Variants in RIN2 observed in about 807,000 individuals in gnomAD.
RIN2 encodes RAB5 interacting protein 2.
Under a neutral mutation model 78.0 loss-of-function variants are expected in RIN2, and 36 were observed. That is an observed-to-expected ratio of 0.46 (90% CI 0.35 to 0.61). The LOEUF (loss-of-function observed/expected upper bound fraction) is 0.61. RIN2 is among the 20% of genes least tolerant of loss of function. The probability of loss-of-function intolerance (pLI) is 0.00; values close to 1 mark genes in which losing one functional copy is unlikely to be tolerated. For missense variants in RIN2, 1,087 were observed against 1,159.7 expected (o/e 0.94, Z 0.91); for synonymous variants, 466 against 466.8 (o/e 1.00, Z 0.02).
At chr20:19,853,908 CT>C (rs1323298778) in intron 2 of RIN2, among the ~76,000 whole-genome samples, 1 of 152,176 alleles carries the variant, frequency 6.6e-6, no homozygotes, top group African/African-American at 2.4e-5. Flanking sequence ...TCAATTTTGG[CT>C]TTTGTTGCCA....
intron 2 of RIN2, among the ~76,000 whole-genome samples, chr20:19,811,617 CTG>C (rs1242947233): frequency 1.3e-5 from 2 of 152,138 alleles, no homozygotes; most frequent in Non-Finnish European, 2.9e-5. Context: ...GCTTTTAAAA[CTG>C]AACGCAGAAA....
chr20:19,764,119 GTTT>G (rs2033766137), intron 1 of RIN2, among the ~76,000 whole-genome samples: 1 of 152,092 alleles, frequency 6.6e-6, no homozygotes, highest in African/African-American at 2.4e-5. Flanking sequence ...GAGACTTTTT[GTTT>G]TTTATGTACC....
chr20:19,990,162 G>A lies in RIN2; in HGVS notation c.1919G>A (p.Gly640Glu). The change falls in exon 10 of 13, where the codon GGG (glycine) becomes GAG (glutamate). Residue 640 changes from glycine to glutamate, a missense_variant. Physicochemically the swap from Gly to Glu is moderately conservative, Grantham distance 98. This residue lies in a region of RIN2 where 97 missense variants were observed against 104.8 expected (regional missense o/e 0.93). Transcript: ENST00000255006. Reference protein sequence around the residue: ...LVRQRNPQELGVFAPTPDFVD... With the variant: ...LVRQRNPQELEVFAPTPDFVD... The stretch of plus-strand genomic sequence containing the variant: ...CGGCAGAGGAATCCGCAGGAGCTGG[G>A]GGTCTTCGCCCCGACCCCTGATTTT... 6.2e-7 allele frequency: 1 copy of A among 1,604,194 alleles called. No homozygotes were observed. The highest frequency in any genetic ancestry group is 8.5e-7 in the Non-Finnish European group (1 of 1,175,534).
chr20:19,975,614 G>T lies in RIN2; in HGVS notation c.1589G>T (p.Gly530Val). Residue 530 changes from glycine to valine, a missense_variant, in exon 9 of 13, where the codon GGG (glycine) becomes GTG (valine). Transcript: ENST00000255006. The surrounding 1 kb of genome is among the most constrained non-coding windows in gnomAD (Gnocchi z 4.9). Reference protein sequence around the residue: ...ELSRDKCTYFGCLVQDYVSFL... With the variant: ...ELSRDKCTYFVCLVQDYVSFL... ...TCCCGGGACAAATGCACCTACTTCG[G>T]GTGCTTAGTGCAGGACTACGTGAGC... The T allele has an allele frequency of 6.2e-7, 1 of 1,613,936 alleles. No individual in the cohort carries two copies. Among genetic ancestry groups the T allele is most frequent in the Non-Finnish European group, 8.5e-7 (1 of 1,179,900 alleles).
chr20:19,848,265 T>C (rs1371287142), intron 2 of RIN2, among the ~76,000 whole-genome samples: 1 of 152,148 alleles, frequency 6.6e-6, no homozygotes, highest in South Asian at 2.1e-4. Context: ...CCAGACAAGG[T>C]GGCTCATGCC....
At chr20:19,936,343 A>G (rs1033925562) in intron 4 of RIN2, among the ~76,000 whole-genome samples, 1 of 152,182 alleles carries the variant, frequency 6.6e-6, no homozygotes, top group Admixed American at 6.6e-5. Flanking sequence ...CAAATGCACA[A>G]TGATTTTCAG....
chr20:19,847,033 T>C (rs2036807857), intron 2 of RIN2, among the ~76,000 whole-genome samples: 1 of 152,214 alleles, frequency 6.6e-6, no homozygotes, highest in Non-Finnish European at 1.5e-5. Flanking sequence ...TTAGCAACTA[T>C]TCCATTTTTC....
At chr20:19,805,318 A>G (rs1031056037) in intron 2 of RIN2, among the ~76,000 whole-genome samples, 2 of 152,200 alleles carry the variant, frequency 1.3e-5, no homozygotes, top group African/African-American at 4.8e-5. Flanking sequence ...TCCCACCATC[A>G]CTGCGACAGA....
intron 4 of RIN2, among the ~76,000 whole-genome samples, chr20:19,951,990 G>T (rs781242872): frequency 3.9e-5 from 6 of 152,162 alleles, no homozygotes; most frequent in Non-Finnish European, 7.3e-5. Flanking sequence ...TGAGTTCCCT[G>T]GAAGGAGAGC....
chr20:19,942,751 A>C (rs536762820), intron 4 of RIN2, among the ~76,000 whole-genome samples: 1 of 152,238 alleles, frequency 6.6e-6, no homozygotes, highest in African/African-American at 2.4e-5. Flanking sequence ...GTTTTTGTTG[A>C]CGGGTAGCAC....
rs143565386 is a variant in RIN2 at position 19,781,467 on chromosome 20, C to T, written c.-162-18155C>T. On this transcript the variant is annotated intron_variant, in intron 1 of 12. Transcript: ENST00000255006. ...CATCATTCAGGAAATCTGACATCTG[C>T]GTACCCTTTACCAAGTGACACGATT... 3.6e-4 allele frequency among the ~76,000 whole-genome samples: 55 copies of T among 152,312 alleles called. No individual in the cohort carries two copies. The East Asian group carries it at 7.5e-3, about 21-fold the overall frequency.
At chr20:19,883,086 A>C (rs1455088005) in intron 2 of RIN2, among the ~76,000 whole-genome samples, 4 of 152,044 alleles carry the variant, frequency 2.6e-5, no homozygotes. Context: ...CTTTTCAATG[A>C]CCTTGCGGGT....
chr20:20,000,846 C>T lies in RIN2; in HGVS notation c.2598C>T (p.Pro866=). ...IKAELHSRPQ[P]HIFHFVYKRI... ...CGGAGCTGCACAGCCGACCACAGCC[C>T]CACATCTTCCACTTTGTCTACAAAC... is the stretch of plus-strand genomic sequence containing the variant. The change falls in exon 13 of 13, where the codon CCC becomes CCT. Residue 866 remains proline, a synonymous_variant. Coordinates refer to ENST00000255006, the MANE Select transcript of RIN2 (RefSeq NM_018993.4). The T allele has an allele frequency of 6.2e-7, 1 of 1,613,984 alleles. No individual in the cohort carries two copies. Among genetic ancestry groups the T allele is most frequent in the Non-Finnish European group, 8.5e-7 (1 of 1,179,888 alleles).
chr20:19,914,570 A>G (rs2039606640), intron 3 of RIN2, among the ~76,000 whole-genome samples: 1 of 152,230 alleles, frequency 6.6e-6, no homozygotes, highest in African/African-American at 2.4e-5. Context: ...TTTAACAAAT[A>G]TAAACTCAGC....
intron 2 of RIN2, among the ~76,000 whole-genome samples, chr20:19,869,081 CAAA>C (rs11413677): frequency 7.9e-5 from 6 of 76,302 alleles, no homozygotes; most frequent in African/African-American, 2.2e-4. Context: ...GACTCCGTCT[CAAA>C]AAAAAAAAAA....
Position 19,827,035 on chromosome 20 carries a change from G to C in RIN2, c.-37+27288G>C, listed in dbSNP as rs147120568. The stretch of plus-strand genomic sequence containing the variant: ...TTGTTGCCCAGGCTGGAGTACAGTG[G>C]TGCAATCTAAGCTTACTGCAACCTC... On this transcript the variant is annotated intron_variant, in intron 2 of 12. Coordinates refer to ENST00000255006, the MANE Select transcript of RIN2 (RefSeq NM_018993.4). Among the ~76,000 whole-genome samples the C allele has an allele frequency of 7.4e-5, 11 of 149,466 alleles. No homozygotes were observed. The East Asian group carries it at 2.2e-3, about 30-fold the overall frequency.
intron 2 of RIN2, among the ~76,000 whole-genome samples, chr20:19,852,794 A>G (rs933407469): frequency 6.6e-6 from 1 of 152,186 alleles, no homozygotes; most frequent in African/African-American, 2.4e-5. Context: ...TGCCACAGTC[A>G]CCTAGTCACT....
At chr20:19,957,298 C>T (rs2041582715) in intron 5 of RIN2, among the ~76,000 whole-genome samples, 2 of 152,244 alleles carry the variant, frequency 1.3e-5, no homozygotes, top group African/African-American at 4.8e-5. Flanking sequence ...AGACTAAAGT[C>T]TAATATGGTT....
intron 3 of RIN2, among the ~76,000 whole-genome samples, chr20:19,908,383 C>T (rs369275216): frequency 7.3e-5 from 11 of 151,488 alleles, no homozygotes; most frequent in African/African-American, 1.9e-4. Flanking sequence ...CCCAGCTACT[C>T]GGGAGGCTGA....
Sources: allele counts gnomAD v4.1 joint callset (sites outside exome capture counted in the v4.1 genomes callset), GRCh38; gene constraint gnomAD v4.1.1; regional missense constraint gnomAD v4.1.1; non-coding constraint Gnocchi (gnomAD v3.1); transcripts MANE v1.5; gene names NCBI Gene and HGNC (gene_info 2026-07-23, HGNC 2026-07-21).